The following TPRG1 variants were observed in gnomAD, a reference collection of about 807,000 sequenced individuals.
TPRG1 encodes tumor protein p63 regulated 1.
Under a neutral mutation model 29.3 loss-of-function variants are expected in TPRG1, and 29 were observed. The ratio of observed to expected loss-of-function variants is 0.99; its 90% confidence interval spans 0.74 to 1.35. TPRG1 has a LOEUF of 1.35. TPRG1 is among the 40% of genes most tolerant of loss of function. TPRG1 has a pLI of 0.00. For synonymous variants in TPRG1, 130 were observed against 116.8 expected, an observed-to-expected ratio of 1.11 and a Z score of -0.73; for missense variants, 327 against 335.0, an observed-to-expected ratio of 0.98 and a Z score of 0.19.
At chr3:189,073,008 T>C (rs1472682437) in intron 4 of TPRG1, among the ~76,000 whole-genome samples, 1 of 152,180 alleles carries the variant, frequency 6.6e-6, no homozygotes, top group Non-Finnish European at 1.5e-5. Context: ...ATGATGATCT[T>C]ATCTTGTGCT....
intron 4 of TPRG1, among the ~76,000 whole-genome samples, chr3:189,258,197 CTT>C (rs1284935960): frequency 6.9e-6 from 1 of 145,746 alleles, no homozygotes. Flanking sequence ...TGTGGTCATC[CTT>C]TTTTTTTTTA....
At chr3:189,141,926 G>A (rs971184826) in intron 3 of TPRG1, among the ~76,000 whole-genome samples, 3 of 152,158 alleles carry the variant, frequency 2.0e-5, no homozygotes, top group East Asian at 3.9e-4. Context: ...TCCTCCAAGT[G>A]GTATTTAAGT....
At chr3:189,236,551 A>G (rs562945911) in intron 3 of TPRG1, among the ~76,000 whole-genome samples, 1 of 152,300 alleles carries the variant, frequency 6.6e-6, no homozygotes, top group South Asian at 2.1e-4. Flanking sequence ...GTGAGTATCC[A>G]CTGGATGGAA....
intron 4 of TPRG1, among the ~76,000 whole-genome samples, chr3:189,302,993 C>T (rs1471093895): frequency 1.3e-5 from 2 of 152,158 alleles, no homozygotes; most frequent in Admixed American, 6.6e-5. Context: ...ATAAACTTAG[C>T]AGTCAAGAAT....
chr3:189,217,332 A>T (rs778897936), intron 3 of TPRG1, among the ~76,000 whole-genome samples: 1 of 152,206 alleles, frequency 6.6e-6, no homozygotes, highest in African/African-American at 2.4e-5. Flanking sequence ...GGTAAAGCCT[A>T]TCTAGAAACT....
chr3:189,288,811 C>T (rs1418573742), intron 4 of TPRG1, among the ~76,000 whole-genome samples: 1 of 152,258 alleles, frequency 6.6e-6, no homozygotes, highest in Non-Finnish European at 1.5e-5. Context: ...TCAGCTGTTA[C>T]TGCATCTATC....
chr3:189,147,875 T>C (rs1725461322), intron 4 of TPRG1, among the ~76,000 whole-genome samples: 1 of 152,182 alleles, frequency 6.6e-6, no homozygotes, highest in Non-Finnish European at 1.5e-5. Context: ...AGTCAGTGGA[T>C]GTGGGTGGTC....
intron 4 of TPRG1, among the ~76,000 whole-genome samples, chr3:189,264,916 T>G (rs1713790479): frequency 1.3e-5 from 2 of 152,306 alleles, no homozygotes; most frequent in South Asian, 4.1e-4. Flanking sequence ...AATCCCTGGG[T>G]GCAACTGAAA....
At chr3:189,108,815 C>T (rs1239728194) in intron 1 of TPRG1, among the ~76,000 whole-genome samples, 2 of 152,070 alleles carry the variant, frequency 1.3e-5, no homozygotes, top group Non-Finnish European at 2.9e-5. Context: ...AAGGTAGCGC[C>T]TTTAAAAAAC....
intron 4 of TPRG1, among the ~76,000 whole-genome samples, chr3:189,294,830 C>T (rs1337909863): frequency 4.5e-5 from 6 of 132,318 alleles, no homozygotes; most frequent in East Asian, 5.0e-4. Context: ...ACACACACAG[C>T]GCGCAAGCAG....
At chr3:189,038,224 C>G (rs1239863102) in intron 4 of TPRG1, among the ~76,000 whole-genome samples, 1 of 151,912 alleles carries the variant, frequency 6.6e-6, no homozygotes, top group African/African-American at 2.4e-5. Flanking sequence ...TAAACCGTCC[C>G]TTATGGAATA....
At chr3:189,183,732 T>A (rs1730547483) in intron 1 of TPRG1, among the ~76,000 whole-genome samples, 1 of 152,088 alleles carries the variant, frequency 6.6e-6, no homozygotes, top group Non-Finnish European at 1.5e-5. Flanking sequence ...GGTCAGAGTT[T>A]AAGGTTATCT....
chr3:189,073,361 C>T (rs1337865460), intron 4 of TPRG1, among the ~76,000 whole-genome samples: 2 of 152,160 alleles, frequency 1.3e-5, no homozygotes, highest in Non-Finnish European at 2.9e-5. Flanking sequence ...ATACAAAGTT[C>T]TTTCAGTGTT....
At chr3:189,183,949 T>C (rs896288139) in intron 1 of TPRG1, among the ~76,000 whole-genome samples, 3 of 151,750 alleles carry the variant, frequency 2.0e-5, no homozygotes, top group Non-Finnish European at 4.4e-5. Flanking sequence ...AGGGTATTGA[T>C]TGGGGAAGTG....
At chr3:189,259,209 C>T (rs948451878) in intron 4 of TPRG1, among the ~76,000 whole-genome samples, 2 of 152,020 alleles carry the variant, frequency 1.3e-5, no homozygotes, top group African/African-American at 2.4e-5. Flanking sequence ...ATGCACCATC[C>T]CTCATGGCAC....
chr3:189,041,415 T>G (rs1714626736), intron 4 of TPRG1, among the ~76,000 whole-genome samples: 1 of 152,224 alleles, frequency 6.6e-6, no homozygotes, highest in African/African-American at 2.4e-5. Flanking sequence ...GGCTCTTCCC[T>G]TTCTGGCTGT....
In TPRG1 at chr3:189,215,288, A is replaced by G. The variant is rs374051700; in HGVS notation, c.211-4A>G. On this transcript the variant is annotated splice_region_variant and splice_polypyrimidine_tract_variant and intron_variant, in intron 2 of 5. Coordinates refer to ENST00000345063, the MANE Select transcript of TPRG1 (RefSeq NM_198485.4). Reference sequence around the variant, plus strand: ...AAACTAGGTATTTTCTCCTTTCCACACAGCCGGGGGCCATTGAGACTGCCA... The same window carrying G: ...AAACTAGGTATTTTCTCCTTTCCACGCAGCCGGGGGCCATTGAGACTGCCA... 178 of 1,607,556 alleles carry G rather than the reference A, an allele frequency of 1.1e-4. No homozygotes were observed. The highest frequency in any genetic ancestry group is 8.3e-4 in the Middle Eastern group (5 of 6,056).
intron 3 of TPRG1, among the ~76,000 whole-genome samples, chr3:189,135,442 T>A (rs1186292161): frequency 6.6e-6 from 1 of 152,242 alleles, no homozygotes. Context: ...TCAGATGGCA[T>A]TGCTATCTAT....
chr3:189,091,084 T>C (rs1002689250), intron 4 of TPRG1, among the ~76,000 whole-genome samples: 4 of 152,104 alleles, frequency 2.6e-5, no homozygotes, highest in Non-Finnish European at 5.9e-5. Flanking sequence ...CATTGACTTA[T>C]TGTAGGGATT....
Sources: allele counts gnomAD v4.1 joint callset (sites outside exome capture counted in the v4.1 genomes callset), GRCh38; gene constraint gnomAD v4.1.1; transcripts MANE v1.5; gene names NCBI Gene and HGNC (gene_info 2026-07-23, HGNC 2026-07-21).